ALS2: variants seen among roughly 807,000 people sequenced by gnomAD.
ALS2 encodes the protein alsin.
Under a neutral mutation model 203.4 loss-of-function variants are expected in ALS2, and 117 were observed. That is an observed-to-expected ratio of 0.58 (90% CI 0.50 to 0.67). The LOEUF is 0.67. ALS2 is among the 30% of genes least tolerant of loss of function. The pLI is 0.00. For synonymous variants in ALS2, 718 were observed against 725.9 expected, an observed-to-expected ratio of 0.99 and a Z score of 0.17; for missense variants, 1,715 against 1,989.4, an observed-to-expected ratio of 0.86 and a Z score of 2.62.
rs909665380 is a variant in ALS2 at position 201,761,355 on chromosome 2, G to A, written c.639C>T (p.Ser213=). The A allele has an allele frequency of 3.7e-6, 6 of 1,613,900 alleles. No individual in the cohort carries two copies. Among genetic ancestry groups the A allele is most frequent in the Non-Finnish European group, 5.1e-6 (6 of 1,179,812 alleles). ...AAGGGAGGCATTGTACAAGGGCTAA[G>A]CTGTGGAAAGCACCACAGGCAACTT... ...VLQVACGAFH[S]LALVQCLPSQ... is the part of the protein sequence containing the mutation. Residue 213 remains serine (S), a synonymous_variant, in exon 4 of 34, where the codon AGC becomes AGT. Coordinates refer to ENST00000264276, the MANE Select transcript of ALS2 (RefSeq NM_020919.4).
chr2:201,768,770 C>T (rs1694231131), intron 2 of ALS2, 96 bp downstream of exon 2: 2 of 1,249,038 alleles, frequency 1.6e-6, no homozygotes, highest in Non-Finnish European at 1.2e-6. Flanking sequence ...TAACAACCAT[C>T]AACAAGAAAA....
chr2:201,701,728 A>G lies in ALS2; in HGVS notation c.*123T>C. ...TATTATTGGTAAGGCTCATTCTAAC[A>G]ACCTAAATAACACAAAGTCCTTTCC... On this transcript the variant is annotated 3_prime_UTR_variant, in exon 34 of 34. Transcript: ENST00000264276. 1 of 921,462 alleles carries G rather than the reference A, an allele frequency of 1.1e-6. No individual in the cohort carries two copies. The highest frequency in any genetic ancestry group is 1.4e-5 in the South Asian group (1 of 71,280). 57.1% of individuals were successfully genotyped at this position (921,462 alleles called of 1,614,324 possible). A position where few individuals can be genotyped will look rare whatever the true frequency, so the allele number is the denominator to read the frequency against.
chr2:201,773,750 G>A (rs1373688858), intron 1 of ALS2, among the ~76,000 whole-genome samples: 9 of 152,116 alleles, frequency 5.9e-5, no homozygotes, highest in African/African-American at 2.4e-5. Context: ...AAAGGAAAGC[G>A]CAGTGTCAAG....
At chr2:201,750,467 G>C (rs1052421944) in intron 7 of ALS2, among the ~76,000 whole-genome samples, 2 of 152,150 alleles carry the variant, frequency 1.3e-5, no homozygotes, top group South Asian at 2.1e-4. Flanking sequence ...AAGTGATATA[G>C]AGGAAGAGTA....
chr2:201,729,240 G>C (rs1322723275), intron 13 of ALS2, 57 bp from the exon 14 acceptor site: 17 of 1,573,416 alleles, frequency 1.1e-5, no homozygotes, highest in Non-Finnish European at 1.5e-5. Context: ...CCATTATGCA[G>C]AATCTGTAGC....
At chr2:201,705,506 G>T in intron 29 of ALS2, 45 bp from the exon 30 acceptor site, 3 of 1,508,372 alleles carry the variant, frequency 2.0e-6, no homozygotes, top group Non-Finnish European at 2.8e-6. Context: ...GTTACTTATG[G>T]TAAACAAAAT....
In ALS2 at chr2:201,724,842, G is replaced by A. The variant is rs936560815; in HGVS notation, c.3348-383C>T. On this transcript the variant is annotated intron_variant, in intron 20 of 33. Transcript: ENST00000264276. ...GTATATAAAATTTAGGGCTGGGTGCGGTGGCTCATGCCTGTAATCCCAGCA... is the reference window on the plus strand; with the variant it reads ...GTATATAAAATTTAGGGCTGGGTGCAGTGGCTCATGCCTGTAATCCCAGCA... 2.4e-4 allele frequency among the ~76,000 whole-genome samples: 37 copies of A among 152,020 alleles called. 1 individual carries two copies. Among genetic ancestry groups the A allele is most frequent in the Admixed American group, 2.4e-3 (37 of 15,274 alleles).
rs537959122 is a variant in ALS2, at chr2:201,715,188, G to C, written c.4004+484C>G. Among the ~76,000 whole-genome samples, 9 of 152,310 alleles carry C rather than the reference G, an allele frequency of 5.9e-5. No individual in the cohort carries two copies. In the East Asian group the frequency reaches 1.7e-3, roughly 29 times the overall value. On this transcript the variant is annotated intron_variant, in intron 25 of 33. Transcript: ENST00000264276. Reference sequence around the variant, plus strand: ...CAGAAGGTCCTGGAGGCTTGGGCATGAGAGAATAGAGAAAAAAGACAGAAA... The same window carrying C: ...CAGAAGGTCCTGGAGGCTTGGGCATCAGAGAATAGAGAAAAAAGACAGAAA...
intron 13 of ALS2, among the ~76,000 whole-genome samples, chr2:201,732,379 T>C (rs1574720851): frequency 7.5e-6 from 1 of 132,492 alleles, no homozygotes. Flanking sequence ...CATGGTGATA[T>C]CCCATCTCTA....
At chr2:201,725,201 A>T (rs2106003288) in intron 20 of ALS2, among the ~76,000 whole-genome samples, 155 bp downstream of exon 20, 1 of 152,306 alleles carries the variant, frequency 6.6e-6, no homozygotes, top group East Asian at 1.9e-4. Flanking sequence ...CCTTTAAAAG[A>T]TGATCACACA....
chr2:201,701,583 GT>G lies in ALS2; in HGVS notation c.*267del. On this transcript the variant is annotated 3_prime_UTR_variant, in exon 34 of 34. Transcript: ENST00000264276. ...GGATATCCTCTTCTTTTTTCAAATA[GT>G]AGATAAATGGTATTTTTGGAACTTA... 2.7e-6 allele frequency: 1 copy of G among 375,510 alleles called. No individual in the cohort carries two copies. The highest frequency in any genetic ancestry group is 4.3e-5 in the East Asian group (1 of 23,278). 23.3% of individuals were successfully genotyped at this position (375,510 alleles called of 1,614,324 possible). A position where few individuals can be genotyped will look rare whatever the true frequency, so the allele number is the denominator to read the frequency against.
At chr2:201,744,647 C>T (rs372923894) in intron 9 of ALS2, among the ~76,000 whole-genome samples, 4 of 151,806 alleles carry the variant, frequency 2.6e-5, no homozygotes, top group Non-Finnish European at 5.9e-5. Context: ...TCGTCGGGGT[C>T]GCTTTTTTTT....
chr2:201,773,415 A>G (rs1286058184), intron 1 of ALS2, among the ~76,000 whole-genome samples: 1 of 152,122 alleles, frequency 6.6e-6, no homozygotes, highest in African/African-American at 2.4e-5. Context: ...TGATTAGACA[A>G]AGGTGGGGGA....
rs1231034043 is a variant in ALS2, at chr2:201,761,047, T to C, written c.947A>G (p.Asp316Gly). 1 of 1,614,094 alleles carries C rather than the reference T, an allele frequency of 6.2e-7. No individual in the cohort carries two copies. Among genetic ancestry groups the C allele is most frequent in the Non-Finnish European group, 8.5e-7 (1 of 1,180,032 alleles). The change falls in exon 4 of 34, where the codon GAT becomes GGT. Residue 316 changes from aspartate to glycine, a missense_variant. By Grantham distance (94) the Asp-to-Gly change is moderately conservative (BLOSUM62 -1). This residue lies in a region of ALS2 where 476 missense variants were observed against 539.3 expected (regional missense o/e 0.88). Transcript: ENST00000264276. Reference protein sequence around the residue: ...NAVSAQITSSDAMSSQQNVMG... With the variant: ...NAVSAQITSSGAMSSQQNVMG... ...GACATTTTGTTGAGAGGACATGGCA[T>C]CGCTGCTTGTGATCTGAGCACTTAC...
intron 7 of ALS2, 64 bp from the exon 8 acceptor site, chr2:201,749,853 A>G: frequency 8.0e-7 from 1 of 1,245,808 alleles, no homozygotes; most frequent in Non-Finnish European, 1.2e-6. Context: ...TCAACTCTGA[A>G]CCTTTATAAT....
At chr2:201,770,121 T>C (rs1223138287) in intron 1 of ALS2, among the ~76,000 whole-genome samples, 1 of 152,224 alleles carries the variant, frequency 6.6e-6, no homozygotes, top group Admixed American at 6.5e-5. Context: ...CAGTTCATGG[T>C]GTACAGAGAA....
At position 201,711,018 on chromosome 2, in the gene ALS2, A is replaced by G. The variant is rs1474833155; in HGVS notation, c.4095T>C (p.Tyr1365=). ...QHVGAFSVEK[Y]DDIRKYLIKA... ...TTATTAAATATTTCCTGATGTCATC[A>G]TATTTCTCCACAGAGAAGGCACCAA... The change falls in exon 26 of 34, where the codon TAT becomes TAC. Residue 1365 remains tyrosine (Y), a synonymous_variant. Transcript: ENST00000264276. The G allele has an allele frequency of 4.3e-6, 7 of 1,609,530 alleles. No individual in the cohort carries two copies.
At chr2:201,746,499 A>G in intron 9 of ALS2, 67 bp downstream of exon 9, 2 of 1,579,904 alleles carry the variant, frequency 1.3e-6, no homozygotes, top group Non-Finnish European at 1.7e-6. Flanking sequence ...ACATACAAAT[A>G]AAAACAAAAA....
At chr2:201,718,952 ATGATAAAGAT>A (rs1690582610) in intron 23 of ALS2, among the ~76,000 whole-genome samples, 2 of 152,342 alleles carry the variant, frequency 1.3e-5, no homozygotes, top group South Asian at 4.1e-4. Context: ...GAGGAGGGAA[ATGATAAAGAT>A]TAGTGCAAAA....
Sources: gnomAD v4.1 joint callset for allele counts (sites outside exome capture counted in the v4.1 genomes callset) on GRCh38, gnomAD v4.1.1 for gene constraint, gnomAD v4.1.1 regional missense constraint, MANE v1.5 for transcripts, NCBI Gene and HGNC (gene_info 2026-07-23, HGNC 2026-07-21) for gene names.